MGA: variants seen among roughly 807,000 people sequenced by gnomAD.
MGA encodes MAX gene-associated protein.
A neutral mutation model predicts 261.1 loss-of-function variants in MGA; 40 were observed. The ratio of observed to expected loss-of-function variants is 0.15; its 90% CI spans 0.12 to 0.20. MGA has a LOEUF of 0.20. Ranked by LOEUF, MGA falls within the 10% of genes least tolerant of loss-of-function variation. The probability of loss-of-function intolerance (pLI) is 1.00; values close to 1 mark genes in which losing one functional copy is unlikely to be tolerated. For missense variants in MGA, 3,397 were observed against 3,630.5 expected, an observed-to-expected ratio of 0.94 and a Z score of 1.65; for synonymous variants, 1,302 against 1,290.6, an observed-to-expected ratio of 1.01 and a Z score of -0.19.
At chr15:41,716,073 G>T (rs2060620307) in intron 9 of MGA, among the ~76,000 whole-genome samples, 1 of 151,626 alleles carries the variant, frequency 6.6e-6, no homozygotes. Context: ...TTTCTTACTG[G>T]TACAGTTCAT....
At chr15:41,685,651 A>G (rs1455949919) in intron 2 of MGA, among the ~76,000 whole-genome samples, 1 of 152,194 alleles carries the variant, frequency 6.6e-6, no homozygotes, top group Non-Finnish European at 1.5e-5. Flanking sequence ...AATTAAACTT[A>G]TTCCTAGGTG....
chr15:41,674,357 G>A (rs1433666242), intron 2 of MGA, among the ~76,000 whole-genome samples: 2 of 150,432 alleles, frequency 1.3e-5, no homozygotes, highest in South Asian at 2.1e-4. Flanking sequence ...CACCATGCCC[G>A]ACTAATTTTT....
intron 1 of MGA, among the ~76,000 whole-genome samples, chr15:41,664,817 T>A (rs930871860): frequency 1.3e-5 from 2 of 152,234 alleles, no homozygotes; most frequent in Non-Finnish European, 2.9e-5. Context: ...TTTAGTTTTG[T>A]TTTGTCAGTC....
intron 1 of MGA, among the ~76,000 whole-genome samples, chr15:41,665,887 A>G (rs895185298): frequency 1.3e-5 from 2 of 151,800 alleles, no homozygotes; most frequent in Non-Finnish European, 2.9e-5. Flanking sequence ...TTTCTTTATA[A>G]CCTTTAATAA....
intron 1 of MGA, among the ~76,000 whole-genome samples, chr15:41,630,989 T>C (rs2056575837): frequency 6.6e-6 from 1 of 152,192 alleles, no homozygotes; most frequent in Non-Finnish European, 1.5e-5. Context: ...GTACTTGCCA[T>C]ATATGGGTAT....
chr15:41,740,221 T>A lies in MGA; in HGVS notation c.4585+18T>A. On this transcript the variant is annotated intron_variant, in intron 14 of 23. Transcript: ENST00000219905. ...GCCAATTGGTAAGTTGGGGTGTATG[T>A]ATGGTTTGGAAAGGCCTATGACTTG... is the stretch of plus-strand genomic sequence containing the variant. The A allele has an allele frequency of 6.2e-7, 1 of 1,612,078 alleles. No homozygotes were observed. The highest frequency in any genetic ancestry group is 1.1e-5 in the South Asian group (1 of 90,900).
chr15:41,711,064 T>A lies in MGA; in HGVS notation c.2799T>A (p.Ile933=), dbSNP rs1284185913. The change falls in exon 8 of 24, where the codon ATT becomes ATA. Residue 933 remains isoleucine, a synonymous_variant. Transcript: ENST00000219905. Reference sequence around the variant, plus strand: ...CAAAGCAGAAATACTCTCATGTGATTCTAGGAGATAAGGTTACCAAGAATT... The same window carrying A: ...CAAAGCAGAAATACTCTCATGTGATACTAGGAGATAAGGTTACCAAGAATT... 1.2e-6 allele frequency: 2 copies of A among 1,613,964 alleles called. No homozygotes were observed. The highest frequency in any genetic ancestry group is 1.7e-5 in the Admixed American group (1 of 60,012).
chr15:41,651,286 TATGAG>T (rs1201924895), intron 1 of MGA, among the ~76,000 whole-genome samples: 1 of 152,180 alleles, frequency 6.6e-6, no homozygotes, highest in Non-Finnish European at 1.5e-5. Context: ...CCATAGTACT[TATGAG>T]ATAAGTTTAC....
At chr15:41,752,773 G>A (rs935855742) in intron 17 of MGA, among the ~76,000 whole-genome samples, 6 of 151,986 alleles carry the variant, frequency 3.9e-5, no homozygotes, top group African/African-American at 7.2e-5. Context: ...GGCCAGGCTG[G>A]TCTTGAACTC....
chr15:41,656,344 T>TTCTCTCTCTCTC (rs59370765), upstream of MGA, among the ~76,000 whole-genome samples: 14 of 60,034 alleles, frequency 2.3e-4, no homozygotes, highest in African/African-American at 6.2e-4. Context: ...CTCTCCTCTC[T>TTCTCTCTCTCTC]TCTCTCTCTC....
At chr15:41,712,072 T>C (rs1029317409) in intron 8 of MGA, among the ~76,000 whole-genome samples, 1 of 152,214 alleles carries the variant, frequency 6.6e-6, no homozygotes, top group Admixed American at 6.5e-5. Context: ...CCTTTATCTT[T>C]TGTGAAATTT....
chr15:41,643,453 G>A (rs1254279815), intron 1 of MGA, among the ~76,000 whole-genome samples: 1 of 151,332 alleles, frequency 6.6e-6, no homozygotes, highest in Non-Finnish European at 1.5e-5. Context: ...TGTTAGCCAG[G>A]ATGGTCTCGA....
intron 1 of MGA, among the ~76,000 whole-genome samples, chr15:41,643,690 A>G (rs1297474685): frequency 6.6e-6 from 1 of 151,878 alleles, no homozygotes; most frequent in East Asian, 1.9e-4. Context: ...AGTGAATAAT[A>G]TACAAAAGGT....
chr15:41,632,293 G>T (rs1010336306), intron 1 of MGA, among the ~76,000 whole-genome samples: 2 of 152,194 alleles, frequency 1.3e-5, no homozygotes, highest in Non-Finnish European at 2.9e-5. Flanking sequence ...CCCAGAGAGT[G>T]TCTACTCTGT....
At chr15:41,676,658 T>C (rs1003763432) in intron 2 of MGA, among the ~76,000 whole-genome samples, 5 of 152,198 alleles carry the variant, frequency 3.3e-5, no homozygotes, top group Non-Finnish European at 5.9e-5. Context: ...ACCTTGAAAT[T>C]GTTTTAGTTT....
chr15:41,688,010 T>C (rs1255115119), intron 2 of MGA, among the ~76,000 whole-genome samples: 2 of 152,216 alleles, frequency 1.3e-5, no homozygotes, highest in Non-Finnish European at 2.9e-5. Context: ...CATATACTTC[T>C]AGGGTTGTTT....
intron 1 of MGA, among the ~76,000 whole-genome samples, chr15:41,652,085 C>A (rs1025186828): frequency 2.8e-5 from 4 of 144,970 alleles, no homozygotes; most frequent in African/African-American, 1.0e-4. Flanking sequence ...CCTGCCTCAG[C>A]CTCCTGAGTA....
rs2063022092 is a variant in MGA, at chr15:41,754,382, T to C, written c.7009-55T>C. ...ATAAGGGGAACAAACATTTGAAAAG[T>C]TTAGGTGTGCTTGCCACTCAATACA... On this transcript the variant is annotated intron_variant, in intron 17 of 23. Transcript: ENST00000219905. 22 of 1,449,620 alleles carry C rather than the reference T, an allele frequency of 1.5e-5. No individual in the cohort carries two copies. In the South Asian group the frequency reaches 3.1e-4, roughly 21 times the overall value. The allele number at this position is 1,449,620 out of a possible 1,614,324, so 89.8% of individuals were successfully genotyped here.
intron 17 of MGA, chr15:41,752,358 C>T (rs1180075223): frequency 6.6e-6 from 1 of 152,134 alleles, no homozygotes; most frequent in Non-Finnish European, 1.5e-5. Flanking sequence ...ACCTTCTCTC[C>T]ATAGCCTAAT....
Sources: gnomAD v4.1 joint callset for allele counts (sites outside exome capture counted in the v4.1 genomes callset) on GRCh38, gnomAD v4.1.1 for gene constraint, MANE v1.5 for transcripts, NCBI Gene and HGNC (gene_info 2026-07-23, HGNC 2026-07-21) for gene names.